Variants in DAB1 observed in about 807,000 individuals in gnomAD.
DAB1 encodes the protein disabled homolog 1.
Under a neutral mutation model 64.6 loss-of-function variants are expected in DAB1, and 15 were observed. The ratio of observed to expected loss-of-function variants is 0.23; its 90% CI spans 0.16 to 0.36. The LOEUF is 0.36. DAB1 is among the 10% of genes least tolerant of loss of function. The pLI is 1.00. For missense variants in DAB1, 596 were observed against 706.7 expected, an observed-to-expected ratio of 0.84 and a Z score of 1.78; for synonymous variants, 235 against 251.9, an observed-to-expected ratio of 0.93 and a Z score of 0.64.
chr1:58,296,119 GAGAAAGAAAAAAA>G (rs1661968213), intron 4 of DAB1, among the ~76,000 whole-genome samples: 1 of 85,208 alleles, frequency 1.2e-5, no homozygotes, highest in Non-Finnish European at 2.6e-5. Flanking sequence ...GCAAGAAAGC[GAGAAAGAAAAAAA>G]AGAAAGAAAG....
intron 5 of DAB1, among the ~76,000 whole-genome samples, chr1:58,069,391 A>G (rs1649087237): frequency 6.6e-6 from 1 of 152,222 alleles, no homozygotes; most frequent in Non-Finnish European, 1.5e-5. Context: ...ATTTAATAAT[A>G]ATGATGAATA....
chr1:57,945,092 C>T (rs1645164514), intron 5 of DAB1, among the ~76,000 whole-genome samples: 1 of 152,148 alleles, frequency 6.6e-6, no homozygotes, highest in Non-Finnish European at 1.5e-5. Context: ...TTTCTGACAA[C>T]TCTGGAAAGT....
chr1:57,168,147 G>A (rs181892154), intron 2 of DAB1, among the ~76,000 whole-genome samples: 1 of 152,228 alleles, frequency 6.6e-6, no homozygotes, highest in Admixed American at 6.5e-5. Context: ...CAATCCATCT[G>A]ATTGAAAATG....
At chr1:57,471,200 C>T (rs963976758) in intron 7 of DAB1, among the ~76,000 whole-genome samples, 1 of 152,138 alleles carries the variant, frequency 6.6e-6, no homozygotes, top group Non-Finnish European at 1.5e-5. Context: ...AGCAAGATAG[C>T]CTAATATTAC....
intron 4 of DAB1, among the ~76,000 whole-genome samples, chr1:58,305,898 C>T (rs1044947696): frequency 6.6e-6 from 1 of 152,180 alleles, no homozygotes; most frequent in African/African-American, 2.4e-5. Flanking sequence ...GTGGTGCTGA[C>T]ATGCAGGGGA....
chr1:57,464,411 C>G (rs1686887684), intron 7 of DAB1, among the ~76,000 whole-genome samples: 1 of 152,140 alleles, frequency 6.6e-6, no homozygotes, highest in Non-Finnish European at 1.5e-5. Context: ...AAATAGCTGT[C>G]TTTGATTTCC....
chr1:58,179,415 A>C (rs1007149086), intron 4 of DAB1, among the ~76,000 whole-genome samples: 2 of 152,108 alleles, frequency 1.3e-5, no homozygotes, highest in Admixed American at 1.3e-4. Context: ...GATTGGCATT[A>C]ATTCTTTTTT....
chr1:57,805,929 C>T (rs1181412715), intron 6 of DAB1, among the ~76,000 whole-genome samples: 2 of 152,184 alleles, frequency 1.3e-5, no homozygotes, highest in Non-Finnish European at 2.9e-5. Flanking sequence ...ACTGAGGCAC[C>T]TTCTCACTAT....
intron 5 of DAB1, among the ~76,000 whole-genome samples, chr1:57,907,574 A>G (rs929735957): frequency 2.0e-5 from 3 of 152,170 alleles, no homozygotes; most frequent in Non-Finnish European, 4.4e-5. Context: ...CAACGACCCT[A>G]TGAGATAGAT....
At chr1:58,075,902 C>T (rs1391258447) in intron 5 of DAB1, among the ~76,000 whole-genome samples, 1 of 151,998 alleles carries the variant, frequency 6.6e-6, no homozygotes, top group African/African-American at 2.4e-5. Context: ...TTCACCAACG[C>T]TATTGAGAAT....
At chr1:57,584,476 G>T (rs187180722) in intron 7 of DAB1, among the ~76,000 whole-genome samples, 2 of 152,264 alleles carry the variant, frequency 1.3e-5, no homozygotes, top group East Asian at 3.9e-4. Context: ...TCCTTCCATA[G>T]CTGAAATCTT....
intron 1 of DAB1, among the ~76,000 whole-genome samples, chr1:57,423,079 G>T (rs1188054012): frequency 6.6e-6 from 1 of 151,830 alleles, no homozygotes; most frequent in Non-Finnish European, 1.5e-5. Flanking sequence ...CTGCCTCTGG[G>T]TTCTCTCGGC....
chr1:57,287,542 G>T (rs1672416152), intron 2 of DAB1, among the ~76,000 whole-genome samples: 1 of 152,162 alleles, frequency 6.6e-6, no homozygotes, highest in Non-Finnish European at 1.5e-5. Flanking sequence ...TTATTTGCAG[G>T]TTATATGCTG....
intron 1 of DAB1, among the ~76,000 whole-genome samples, chr1:57,402,678 C>T (rs144448814): frequency 2.6e-5 from 4 of 152,266 alleles, no homozygotes; most frequent in East Asian, 1.9e-4. Flanking sequence ...ATAGATGTAT[C>T]GATTTACTTA....
At chr1:57,126,018 T>C (rs1392896762) in intron 4 of DAB1, among the ~76,000 whole-genome samples, 1 of 152,188 alleles carries the variant, frequency 6.6e-6, no homozygotes, top group African/African-American at 2.4e-5. Context: ...GACCAAATCA[T>C]GGACCCTGCC....
At chr1:57,583,969 T>C (rs1043906949) in intron 7 of DAB1, among the ~76,000 whole-genome samples, 1 of 152,208 alleles carries the variant, frequency 6.6e-6, no homozygotes, top group Non-Finnish European at 1.5e-5. Context: ...GAACTAAATA[T>C]GGCCTGAGAA....
intron 1 of DAB1, among the ~76,000 whole-genome samples, chr1:57,367,385 T>C (rs1314503897): frequency 1.3e-5 from 2 of 152,152 alleles, no homozygotes; most frequent in East Asian, 1.9e-4. Flanking sequence ...TCTGGGGACC[T>C]GAGCAACACA....
intron 1 of DAB1, chr1:58,536,615 A>C: frequency 1.1e-6 from 1 of 872,864 alleles, no homozygotes; most frequent in Non-Finnish European, 2.0e-6. Flanking sequence ...GAGTAAAATA[A>C]AACACCACAA....
chr1:57,489,642 G>C (rs147212859), intron 7 of DAB1, among the ~76,000 whole-genome samples: 5 of 151,406 alleles, frequency 3.3e-5, no homozygotes, highest in African/African-American at 1.2e-4. Context: ...GTCTAACCCA[G>C]GGCCTATCTT....
Sources: gnomAD v4.1 joint callset for allele counts (sites outside exome capture counted in the v4.1 genomes callset) on GRCh38, gnomAD v4.1.1 for gene constraint, MANE v1.5 for transcripts, NCBI Gene and HGNC (gene_info 2026-07-23, HGNC 2026-07-21) for gene names.